Variants in RALGPS1 observed in about 807,000 individuals in gnomAD.
The protein encoded by RALGPS1 is ras-specific guanine nucleotide-releasing factor RalGPS1.
Under a neutral mutation model 78.8 loss-of-function variants are expected in RALGPS1, and 19 were observed. The ratio of observed to expected loss-of-function variants is 0.24; its 90% CI spans 0.17 to 0.35. The LOEUF (loss-of-function observed/expected upper bound fraction) is 0.35. Among genes scored for constraint, RALGPS1 ranks in the 10% least tolerant of loss-of-function variants. The probability of loss-of-function intolerance (pLI) is 1.00; values close to 1 mark genes in which losing one functional copy is unlikely to be tolerated. For missense variants in RALGPS1, 454 were observed against 688.3 expected (o/e 0.66, Z 3.81); for synonymous variants, 228 against 256.3 (o/e 0.89, Z 1.06).
intron 8 of RALGPS1, among the ~76,000 whole-genome samples, chr9:127,143,035 G>A (rs1412570225): frequency 6.6e-6 from 1 of 152,038 alleles, no homozygotes; most frequent in East Asian, 1.9e-4. Flanking sequence ...AGTACTTTGT[G>A]GTTCTGTATT....
intron 11 of RALGPS1, among the ~76,000 whole-genome samples, chr9:127,176,303 G>A (rs1157774466): frequency 6.6e-6 from 1 of 152,176 alleles, no homozygotes; most frequent in Non-Finnish European, 1.5e-5. Flanking sequence ...AAAGCTCCTA[G>A]TGCTGGTCTT....
At chr9:126,992,512 A>G (rs189030368) in intron 4 of RALGPS1, among the ~76,000 whole-genome samples, 1 of 152,346 alleles carries the variant, frequency 6.6e-6, no homozygotes, top group East Asian at 1.9e-4. Flanking sequence ...TTGGCATTTC[A>G]ATATGCATTT....
intron 8 of RALGPS1, among the ~76,000 whole-genome samples, chr9:127,095,281 C>T (rs1405187666): frequency 6.6e-6 from 1 of 152,082 alleles, no homozygotes; most frequent in Non-Finnish European, 1.5e-5. Flanking sequence ...ACCTGTGATC[C>T]CAGCTACCCG....
chr9:127,131,179 A>T (rs1432032318), intron 8 of RALGPS1, among the ~76,000 whole-genome samples: 1 of 152,144 alleles, frequency 6.6e-6, no homozygotes, highest in Non-Finnish European at 1.5e-5. Flanking sequence ...GTTTGTTGGT[A>T]CTTTCCTAGC....
chr9:126,970,053 C>A (rs1421709648), intron 3 of RALGPS1, among the ~76,000 whole-genome samples: 1 of 152,042 alleles, frequency 6.6e-6, no homozygotes, highest in African/African-American at 2.4e-5. Context: ...CATGAAAACC[C>A]AGTGAAAGAA....
At chr9:127,184,008 C>T (rs1258501357) in intron 11 of RALGPS1, 3 of 1,549,938 alleles carry the variant, frequency 1.9e-6, no homozygotes, top group East Asian at 2.4e-5. Context: ...GCTCCGCGCT[C>T]CCCGTGGCCT....
intron 11 of RALGPS1, among the ~76,000 whole-genome samples, chr9:127,194,365 AAG>A (rs1341023088): frequency 4.6e-5 from 7 of 152,232 alleles, no homozygotes; most frequent in Non-Finnish European, 1.0e-4. Flanking sequence ...AGAGACCAGA[AAG>A]TGGCTGTGTA....
At chr9:127,143,008 T>C (rs2057883947) in intron 8 of RALGPS1, among the ~76,000 whole-genome samples, 1 of 152,226 alleles carries the variant, frequency 6.6e-6, no homozygotes, top group Non-Finnish European at 1.5e-5. Context: ...TTAAAGCACT[T>C]AAAATTCCAC....
intron 4 of RALGPS1, among the ~76,000 whole-genome samples, chr9:127,008,451 C>T (rs974218778): frequency 1.3e-5 from 2 of 151,256 alleles, no homozygotes; most frequent in Admixed American, 1.3e-4. Flanking sequence ...GCTGAAGTGT[C>T]TTTGGGGATT....
At chr9:127,078,961 T>C (rs2050928396) in intron 8 of RALGPS1, among the ~76,000 whole-genome samples, 1 of 152,226 alleles carries the variant, frequency 6.6e-6, no homozygotes, top group African/African-American at 2.4e-5. Context: ...TTGTCTTATT[T>C]GCTAGCTGCA....
At chr9:127,188,288 T>C (rs932926009) in intron 11 of RALGPS1, among the ~76,000 whole-genome samples, 38 of 152,004 alleles carry the variant, frequency 2.5e-4, no homozygotes, top group African/African-American at 8.9e-4. Context: ...GGTCTCAAAC[T>C]CCTGACCTCG....
intron 11 of RALGPS1, among the ~76,000 whole-genome samples, chr9:127,181,092 C>T (rs1172017553): frequency 6.6e-6 from 1 of 152,252 alleles, no homozygotes; most frequent in African/African-American, 2.4e-5. Context: ...TTACTGCTGC[C>T]ACACTCTGCT....
chr9:127,022,485 C>T (rs2045553954), intron 4 of RALGPS1, among the ~76,000 whole-genome samples: 1 of 151,926 alleles, frequency 6.6e-6, no homozygotes, highest in Admixed American at 6.6e-5. Context: ...CCACCTCTGC[C>T]CAGTCCCTAC....
chr9:126,995,167 T>G (rs2042620677), intron 4 of RALGPS1, among the ~76,000 whole-genome samples: 1 of 152,186 alleles, frequency 6.6e-6, no homozygotes, highest in Admixed American at 6.5e-5. Flanking sequence ...CAGGATCAAA[T>G]TCACACATAA....
intron 3 of RALGPS1, among the ~76,000 whole-genome samples, chr9:126,972,730 A>G (rs1310481841): frequency 6.6e-6 from 1 of 152,206 alleles, no homozygotes; most frequent in East Asian, 1.9e-4. Context: ...CAAGGAATAT[A>G]AAGGGATGGA....
Position 127,021,799 on chromosome 9 carries a change from C to T in RALGPS1, c.217-12632C>T, listed in dbSNP as rs186367385. ...TTAATCTTGTGAGCAGAGCTGCTGG[C>T]GGCTGCTCTCAGTCCGCTAATCGGG... On this transcript the variant is annotated intron_variant, in intron 4 of 18. Transcript: ENST00000259351. Among the ~76,000 whole-genome samples, 435 of 152,180 alleles carry T rather than the reference C, an allele frequency of 2.9e-3. 3 individuals carry two copies. The highest frequency in any genetic ancestry group is 9.6e-3 in the African/African-American group (399 of 41,532).
chr9:127,144,295 C>T (rs1423545648), intron 8 of RALGPS1, among the ~76,000 whole-genome samples: 6 of 152,160 alleles, frequency 3.9e-5, no homozygotes, highest in East Asian at 1.9e-4. Context: ...CCCTCATGGA[C>T]GATTCGTGCA....
chr9:127,084,961 A>G (rs1270129587), intron 8 of RALGPS1, among the ~76,000 whole-genome samples: 1 of 152,186 alleles, frequency 6.6e-6, no homozygotes. Flanking sequence ...TGTGAAACAG[A>G]TGAGGGGGTC....
intron 8 of RALGPS1, chr9:127,087,195 G>A (rs2051856027): frequency 6.6e-6 from 1 of 152,292 alleles, no homozygotes; most frequent in South Asian, 2.1e-4. Flanking sequence ...GAGGGTATAG[G>A]TGGTAACCAG....
Sources: gnomAD v4.1 joint callset for allele counts (sites outside exome capture counted in the v4.1 genomes callset) on GRCh38, gnomAD v4.1.1 for gene constraint, MANE v1.5 for transcripts, NCBI Gene and HGNC (gene_info 2026-07-23, HGNC 2026-07-21) for gene names.